Variants in EFCAB11 observed in about 807,000 individuals in gnomAD.
EFCAB11 encodes EF-hand calcium binding domain 11, also known as EF-hand calcium-binding domain-containing protein 11.
EFCAB11 carries 14 observed loss-of-function variants against 23.0 expected under a neutral mutation model. The ratio of observed to expected loss-of-function variants is 0.61; its 90% confidence interval spans 0.40 to 0.95. The LOEUF (loss-of-function observed/expected upper bound fraction) is 0.95, where lower values mean the gene tolerates loss of function less well. Among genes scored for constraint, EFCAB11 ranks in the 40% least tolerant of loss-of-function variants. EFCAB11 has a pLI of 0.00. For missense variants in EFCAB11, 198 were observed against 195.8 expected, an observed-to-expected ratio of 1.01 and a Z score of -0.07; for synonymous variants, 65 against 66.6, an observed-to-expected ratio of 0.98 and a Z score of 0.11.
intron 5 of EFCAB11, among the ~76,000 whole-genome samples, chr14:89,877,290 G>A (rs142852331): frequency 4.6e-5 from 7 of 151,986 alleles, no homozygotes; most frequent in African/African-American, 1.7e-4. Flanking sequence ...TGCCCGCCTC[G>A]GCCTCCCAAA....
chr14:89,834,472 T>C (rs1373437703), intron 5 of EFCAB11, among the ~76,000 whole-genome samples: 1 of 151,570 alleles, frequency 6.6e-6, no homozygotes, highest in Non-Finnish European at 1.5e-5. Flanking sequence ...GCATATGTAA[T>C]TTGATACTGA....
At chr14:89,817,790 T>C (rs1886380980) in intron 5 of EFCAB11, among the ~76,000 whole-genome samples, 1 of 152,112 alleles carries the variant, frequency 6.6e-6, no homozygotes, top group South Asian at 2.1e-4. Context: ...GGTCAGGAAT[T>C]CGAGACCAGC....
At chr14:89,906,854 G>C (rs544456503) in intron 5 of EFCAB11, among the ~76,000 whole-genome samples, 1 of 152,220 alleles carries the variant, frequency 6.6e-6, no homozygotes. Flanking sequence ...GCACATAGTA[G>C]GTGCTTAATG....
At chr14:89,935,746 C>T (rs1890558564) in intron 3 of EFCAB11, among the ~76,000 whole-genome samples, 1 of 152,180 alleles carries the variant, frequency 6.6e-6, no homozygotes, top group South Asian at 2.1e-4. Flanking sequence ...CGGTAGCTCA[C>T]GCCTGTAATC....
chr14:89,904,849 T>G (rs1215106871), intron 5 of EFCAB11, among the ~76,000 whole-genome samples: 1 of 152,244 alleles, frequency 6.6e-6, no homozygotes, highest in Admixed American at 6.5e-5. Context: ...TTTCTTTAAG[T>G]TCTTTGTAGA....
chr14:89,825,058 C>T lies in EFCAB11; in HGVS notation c.411-27734G>A, dbSNP rs552264843. 2.2e-3 allele frequency among the ~76,000 whole-genome samples: 326 copies of T among 147,314 alleles called. 2 individuals are homozygous for T. Among genetic ancestry groups the T allele is most frequent in the African/African-American group, 6.8e-3 (272 of 39,766 alleles). On this transcript the variant is annotated intron_variant, in intron 5 of 5. Coordinates refer to ENST00000316738, the MANE Select transcript of EFCAB11 (RefSeq NM_145231.4). ...CCTGACACCTACAGGATATTCATTC[C>T]GTTCAAGTGCTCATGGAACATTTAC...
chr14:89,908,809 G>C (rs563764259), intron 5 of EFCAB11, among the ~76,000 whole-genome samples: 3 of 152,160 alleles, frequency 2.0e-5, no homozygotes, highest in African/African-American at 4.8e-5. Context: ...GGAAAAGAGA[G>C]GGATTCCCTC....
chr14:89,838,535 A>G (rs1887157400), intron 5 of EFCAB11, among the ~76,000 whole-genome samples: 1 of 152,200 alleles, frequency 6.6e-6, no homozygotes, highest in Non-Finnish European at 1.5e-5. Flanking sequence ...AAGAAATTTC[A>G]GAAGGAGAGA....
chr14:89,856,108 G>A (rs1342542267), intron 5 of EFCAB11, among the ~76,000 whole-genome samples: 1 of 151,860 alleles, frequency 6.6e-6, no homozygotes, highest in Non-Finnish European at 1.5e-5. Context: ...ACAAAGTGGT[G>A]AATTTTATTT....
At chr14:89,818,929 A>C (rs910148356) in intron 5 of EFCAB11, among the ~76,000 whole-genome samples, 10 of 152,196 alleles carry the variant, frequency 6.6e-5, no homozygotes, top group African/African-American at 2.2e-4. Context: ...AGAAATGAAA[A>C]CAGGTACAGC....
intron 2 of EFCAB11, among the ~76,000 whole-genome samples, chr14:89,951,768 G>GA (rs1361724218): frequency 1.3e-5 from 2 of 148,858 alleles, no homozygotes; most frequent in African/African-American, 4.9e-5. Context: ...AAAAAAAAAA[G>GA]AAAAAAAAGA....
intron 5 of EFCAB11, among the ~76,000 whole-genome samples, chr14:89,916,457 T>A (rs575042624): frequency 1.3e-5 from 2 of 152,338 alleles, no homozygotes; most frequent in Admixed American, 1.3e-4. Context: ...TAAATCGCTA[T>A]ACAAATGTGT....
chr14:89,939,221 C>T (rs1194945959), intron 3 of EFCAB11, among the ~76,000 whole-genome samples: 1 of 151,954 alleles, frequency 6.6e-6, no homozygotes, highest in Non-Finnish European at 1.5e-5. Context: ...CCAGCTGACT[C>T]GGCTGGACAC....
Position 89,876,687 on chromosome 14 carries a change from G to A in EFCAB11, c.410+54854C>T, listed in dbSNP as rs116711717. On this transcript the variant is annotated intron_variant, in intron 5 of 5. Transcript: ENST00000316738. ...AAGAGAAACTTTACCTCTTGGCAGC[G>A]CTGCCTGTCATGGCTAAAGTTAAGT... Among the ~76,000 whole-genome samples, 797 of 152,266 alleles carry A rather than the reference G, an allele frequency of 5.2e-3. 8 individuals are homozygous for A. The highest frequency in any genetic ancestry group is 0.018 in the African/African-American group (759 of 41,544).
intron 2 of EFCAB11, 58 bp from the exon 3 acceptor site, chr14:89,950,200 G>T (rs1452558472): frequency 1.3e-6 from 2 of 1,484,740 alleles, no homozygotes; most frequent in East Asian, 2.5e-5. Flanking sequence ...CACAGTGCAA[G>T]TTCTTAATTC....
At chr14:89,798,125 G>A (rs1446132125) in intron 5 of EFCAB11, among the ~76,000 whole-genome samples, 2 of 152,192 alleles carry the variant, frequency 1.3e-5, no homozygotes, top group Non-Finnish European at 2.9e-5. Flanking sequence ...CCAAGCAAGA[G>A]AGCCACTAAT....
chr14:89,899,767 A>G (rs898891769), intron 5 of EFCAB11, among the ~76,000 whole-genome samples: 1 of 152,228 alleles, frequency 6.6e-6, no homozygotes, highest in Non-Finnish European at 1.5e-5. Flanking sequence ...AAAAATCACA[A>G]TAAGATGCCA....
At chr14:89,913,414 A>C (rs983657787) in intron 5 of EFCAB11, among the ~76,000 whole-genome samples, 1 of 152,224 alleles carries the variant, frequency 6.6e-6, no homozygotes, top group Admixed American at 6.5e-5. Context: ...ATCCAGGTCT[A>C]TGTAACCTTG....
At chr14:89,907,910 C>G (rs975441568) in intron 5 of EFCAB11, among the ~76,000 whole-genome samples, 3 of 152,206 alleles carry the variant, frequency 2.0e-5, no homozygotes, top group Non-Finnish European at 2.9e-5. Flanking sequence ...GTAGCCACCT[C>G]ATGGGGTCGT....
Sources: gnomAD v4.1 joint callset for allele counts (sites outside exome capture counted in the v4.1 genomes callset) on GRCh38, gnomAD v4.1.1 for gene constraint, MANE v1.5 for transcripts, NCBI Gene and HGNC (gene_info 2026-07-23, HGNC 2026-07-21) for gene names.